The following SLC24A3 variants were observed in gnomAD, a reference collection of about 807,000 sequenced individuals.
SLC24A3 encodes the protein solute carrier family 24 member 3, also known as sodium/potassium/calcium exchanger 3.
In SLC24A3, 28 loss-of-function variants were observed where a neutral mutation model predicts 75.8. The ratio of observed to expected loss-of-function variants is 0.37; its 90% CI spans 0.27 to 0.51. The LOEUF is 0.51. Ranked by LOEUF, SLC24A3 falls within the 20% of genes least tolerant of loss-of-function variation. The pLI is 0.94. For missense variants in SLC24A3, 663 were observed against 847.8 expected (o/e 0.78, Z 2.71); for synonymous variants, 372 against 334.1 (o/e 1.11, Z -1.24).
chr20:19,237,565 A>G (rs1008337372), intron 1 of SLC24A3, among the ~76,000 whole-genome samples: 11 of 152,162 alleles, frequency 7.2e-5, no homozygotes, highest in African/African-American at 2.4e-4. Context: ...CTCTGAGACA[A>G]CCAAACACCA....
intron 2 of SLC24A3, among the ~76,000 whole-genome samples, chr20:19,364,458 C>CT (rs959000554): frequency 6.6e-6 from 1 of 151,056 alleles, no homozygotes; most frequent in African/African-American, 2.5e-5. Context: ...GAACAGTTAA[C>CT]TTTTTTTTCT....
intron 2 of SLC24A3, among the ~76,000 whole-genome samples, chr20:19,455,709 T>A (rs1428478328): frequency 6.6e-6 from 1 of 152,238 alleles, no homozygotes; most frequent in East Asian, 1.9e-4. Context: ...GGAGGTAATA[T>A]GCTCATGAAT....
At chr20:19,239,061 T>C (rs1489404125) in intron 1 of SLC24A3, among the ~76,000 whole-genome samples, 1 of 151,244 alleles carries the variant, frequency 6.6e-6, no homozygotes, top group Non-Finnish European at 1.5e-5. Context: ...GGGAAAAGTG[T>C]TAGTTACACT....
At chr20:19,223,611 A>G (rs1568561554) in intron 1 of SLC24A3, among the ~76,000 whole-genome samples, 1 of 152,230 alleles carries the variant, frequency 6.6e-6, no homozygotes, top group Non-Finnish European at 1.5e-5. Context: ...GAGATTAACA[A>G]TAACTAACAA....
intron 1 of SLC24A3, among the ~76,000 whole-genome samples, chr20:19,231,571 C>A (rs1335121118): frequency 6.6e-6 from 1 of 152,178 alleles, no homozygotes; most frequent in Non-Finnish European, 1.5e-5. Context: ...GGGGTGCCTC[C>A]AGGAGCTGGA....
intron 2 of SLC24A3, among the ~76,000 whole-genome samples, chr20:19,335,256 G>A (rs1378874627): frequency 6.6e-6 from 1 of 152,210 alleles, no homozygotes; most frequent in African/African-American, 2.4e-5. Context: ...AATGAAATGA[G>A]TGGTGTCCAC....
chr20:19,668,019 GATCTATCTGGGGGGCATTGGA>G (rs2032420328), intron 8 of SLC24A3, among the ~76,000 whole-genome samples: 1 of 152,172 alleles, frequency 6.6e-6, no homozygotes, highest in African/African-American at 2.4e-5. Context: ...CGTGTGTCTT[GATCTATCTGGGGGGCATTGGA>G]ATCATAAGTC....
intron 2 of SLC24A3, among the ~76,000 whole-genome samples, chr20:19,455,251 T>C (rs78097271): frequency 0.11 from 16,399 of 152,218 alleles, 2,250 homozygotes; most frequent in African/African-American, 0.32. Context: ...TTTTGTTTTC[T>C]TTTTCCATAG....
intron 6 of SLC24A3, among the ~76,000 whole-genome samples, chr20:19,628,202 C>CAAAAAAAAAAAAAA (rs776701707): frequency 1.9e-4 from 10 of 51,764 alleles, no homozygotes; most frequent in East Asian, 5.3e-4. Context: ...GACTCCATCT[C>CAAAAAAAAAAAAAA]AAAAAAAAAA....
At chr20:19,420,831 G>A (rs1178581051) in intron 2 of SLC24A3, among the ~76,000 whole-genome samples, 117 of 51,796 alleles carry the variant, frequency 2.3e-3, no homozygotes, top group Middle Eastern at 5.6e-3. Context: ...GCATGGTACT[G>A]GTACCAAAAC....
At chr20:19,411,203 G>T (rs910310063) in intron 2 of SLC24A3, among the ~76,000 whole-genome samples, 1 of 152,118 alleles carries the variant, frequency 6.6e-6, no homozygotes, top group Non-Finnish European at 1.5e-5. Flanking sequence ...TTGCATCAGG[G>T]CTCCCATTAC....
intron 6 of SLC24A3, among the ~76,000 whole-genome samples, chr20:19,600,393 G>T (rs755739764): frequency 6.6e-6 from 1 of 152,138 alleles, no homozygotes; most frequent in Non-Finnish European, 1.5e-5. Context: ...GCAATTTCAT[G>T]TAAAGAAACA....
At chr20:19,338,416 C>T (rs914632442) in intron 2 of SLC24A3, among the ~76,000 whole-genome samples, 3 of 152,170 alleles carry the variant, frequency 2.0e-5, no homozygotes, top group African/African-American at 7.2e-5. Flanking sequence ...TGAAGGAGCC[C>T]TCATGTCCTC....
rs117629913 is a variant in SLC24A3, at chr20:19,711,909, G to A, written c.1720-5619G>A. Among the ~76,000 whole-genome samples, 1,351 of 152,054 alleles carry A rather than the reference G, an allele frequency of 8.9e-3. 61 individuals are homozygous for A. Among genetic ancestry groups the A allele is most frequent in the Admixed American group, 0.07 (1,075 of 15,272 alleles). On this transcript the variant is annotated intron_variant, in intron 15 of 16. Transcript: ENST00000328041. Reference sequence around the variant, plus strand: ...CGCTTTGGCCTCCCAAAGTGCTAGGGTTACAGGTGTGAGCTACCGCGCCTG... The same window carrying A: ...CGCTTTGGCCTCCCAAAGTGCTAGGATTACAGGTGTGAGCTACCGCGCCTG...
intron 6 of SLC24A3, among the ~76,000 whole-genome samples, chr20:19,600,001 G>C (rs2031505482): frequency 6.6e-6 from 1 of 152,204 alleles, no homozygotes; most frequent in Admixed American, 6.5e-5. Flanking sequence ...TGGCGTCGAA[G>C]TCCTTGCAGG....
chr20:19,394,370 A>G (rs916597748), intron 2 of SLC24A3, among the ~76,000 whole-genome samples: 1 of 152,222 alleles, frequency 6.6e-6, no homozygotes, highest in African/African-American at 2.4e-5. Context: ...ACTGCATCCA[A>G]ATGAAAAACT....
intron 2 of SLC24A3, among the ~76,000 whole-genome samples, chr20:19,364,710 C>G (rs1412689777): frequency 6.6e-6 from 1 of 152,192 alleles, no homozygotes; most frequent in East Asian, 1.9e-4. Flanking sequence ...CTGCCTTGGT[C>G]TCCCAACATG....
At chr20:19,553,504 G>A (rs1209621854) in intron 3 of SLC24A3, among the ~76,000 whole-genome samples, 1 of 152,144 alleles carries the variant, frequency 6.6e-6, no homozygotes, top group Non-Finnish European at 1.5e-5. Context: ...ACTTCAAGAG[G>A]TCATAGTTCA....
At chr20:19,581,458 T>C (rs1264018114) in intron 4 of SLC24A3, among the ~76,000 whole-genome samples, 2 of 152,242 alleles carry the variant, frequency 1.3e-5, no homozygotes, top group Admixed American at 1.3e-4. Flanking sequence ...TGAATACCCA[T>C]GCCCTTGTAG....
Sources: gnomAD v4.1 joint callset for allele counts (sites outside exome capture counted in the v4.1 genomes callset) on GRCh38, gnomAD v4.1.1 for gene constraint, MANE v1.5 for transcripts, NCBI Gene and HGNC (gene_info 2026-07-23, HGNC 2026-07-21) for gene names.